The following KCNQ3 variants were observed in gnomAD, a reference collection of about 807,000 sequenced individuals.
KCNQ3 encodes potassium voltage-gated channel subfamily KQT member 3.
A neutral mutation model predicts 92.5 loss-of-function variants in KCNQ3; 30 were observed. The ratio of observed to expected loss-of-function variants is 0.32; its 90% CI spans 0.24 to 0.44. The LOEUF is 0.44. Ranked by LOEUF, KCNQ3 falls within the 20% of genes least tolerant of loss-of-function variation. KCNQ3 has a pLI of 1.00. For synonymous variants in KCNQ3, 450 were observed against 468.8 expected (o/e 0.96, Z 0.52); for missense variants, 913 against 1,140.3 (o/e 0.80, Z 2.87).
intron 1 of KCNQ3, among the ~76,000 whole-genome samples, chr8:132,210,956 A>C (rs1235795067): frequency 6.6e-6 from 1 of 152,212 alleles, no homozygotes; most frequent in Admixed American, 6.5e-5. Flanking sequence ...TGTTATTAGT[A>C]AAGTCCTGCA....
intron 8 of KCNQ3, among the ~76,000 whole-genome samples, chr8:132,169,708 A>G (rs60160691): frequency 0.12 from 18,471 of 152,188 alleles, 1,594 homozygotes; most frequent in African/African-American, 0.24. Context: ...CAGCTACTCC[A>G]TGCCACTCTG....
intron 1 of KCNQ3, among the ~76,000 whole-genome samples, chr8:132,298,886 C>T (rs1043255824): frequency 3.3e-4 from 50 of 151,974 alleles, no homozygotes; most frequent in Admixed American, 2.6e-3. Flanking sequence ...CCAGTCTGGG[C>T]GACAAGAGTG....
At chr8:132,380,413 G>A (rs746581306) in intron 1 of KCNQ3, among the ~76,000 whole-genome samples, 1 of 152,126 alleles carries the variant, frequency 6.6e-6, no homozygotes, top group Non-Finnish European at 1.5e-5. Context: ...TGATTTTCCC[G>A]ACCTTATTGG....
rs1274920497 is a variant in KCNQ3, at chr8:132,122,715, G to A, written c.*6547C>T. ...ATATCTCTTAGGAGCTTTCACTTCA[G>A]CCTGACTCAGGAGAACTGAAACATC... On this transcript the variant is annotated 3_prime_UTR_variant, in exon 15 of 15. Coordinates refer to ENST00000388996, the MANE Select transcript of KCNQ3 (RefSeq NM_004519.4). 1 of 152,134 alleles carries A rather than the reference G, an allele frequency of 6.6e-6. No individual in the cohort carries two copies. Among genetic ancestry groups the A allele is most frequent in the Non-Finnish European group, 1.5e-5 (1 of 68,030 alleles). The allele number at this position is 152,134 out of a possible 1,614,324, so 9.4% of individuals were successfully genotyped here. A position where few individuals can be genotyped will look rare whatever the true frequency, so the allele number is the denominator to read the frequency against.
At chr8:132,352,359 G>C (rs948512343) in intron 1 of KCNQ3, among the ~76,000 whole-genome samples, 1 of 152,152 alleles carries the variant, frequency 6.6e-6, no homozygotes, top group Non-Finnish European at 1.5e-5. Flanking sequence ...CGATCGTCTA[G>C]TGTGCAAGGA....
At chr8:132,342,673 C>T (rs1306009603) in intron 1 of KCNQ3, among the ~76,000 whole-genome samples, 3 of 152,196 alleles carry the variant, frequency 2.0e-5, no homozygotes, top group Admixed American at 1.3e-4. Context: ...TCACTACTTC[C>T]TATTGTCTTG....
At chr8:132,248,569 T>A (rs1306139121) in intron 1 of KCNQ3, among the ~76,000 whole-genome samples, 3 of 152,096 alleles carry the variant, frequency 2.0e-5, no homozygotes, top group African/African-American at 7.2e-5. Flanking sequence ...AAGTGAGAGC[T>A]CAAATTCTAA....
chr8:132,284,131 T>C (rs553301812), intron 1 of KCNQ3, among the ~76,000 whole-genome samples: 16 of 152,242 alleles, frequency 1.1e-4, no homozygotes, highest in South Asian at 4.1e-4. Context: ...ATAATATACA[T>C]ATGTAACTAA....
chr8:132,439,037 C>A (rs1821463182), intron 1 of KCNQ3, among the ~76,000 whole-genome samples: 1 of 150,754 alleles, frequency 6.6e-6, no homozygotes, highest in African/African-American at 2.4e-5. Flanking sequence ...AATCCTATAA[C>A]CCTGGATGAC....
chr8:132,199,707 C>T (rs1013008007), intron 1 of KCNQ3, among the ~76,000 whole-genome samples: 13 of 152,092 alleles, frequency 8.5e-5, no homozygotes, highest in Admixed American at 1.3e-4. Context: ...GTCAGGAGTT[C>T]GACACCAGCC....
chr8:132,470,111 A>G (rs1358114531), intron 1 of KCNQ3, among the ~76,000 whole-genome samples: 1 of 151,906 alleles, frequency 6.6e-6, no homozygotes, highest in Non-Finnish European at 1.5e-5. Context: ...AACTATGCTC[A>G]TCTCCCTCAA....
At chr8:132,161,220 G>A (rs941411302) in intron 9 of KCNQ3, among the ~76,000 whole-genome samples, 4 of 152,206 alleles carry the variant, frequency 2.6e-5, no homozygotes, top group African/African-American at 9.6e-5. Flanking sequence ...GCACCAGCAT[G>A]TTAAGTTACA....
At chr8:132,378,258 G>A (rs1027443130) in intron 1 of KCNQ3, among the ~76,000 whole-genome samples, 7 of 151,978 alleles carry the variant, frequency 4.6e-5, no homozygotes, top group Admixed American at 1.3e-4. Context: ...GCCAAGCAAG[G>A]TGGGTTTGCC....
At chr8:132,162,333 C>G (rs530595051) in intron 9 of KCNQ3, among the ~76,000 whole-genome samples, 1 of 152,124 alleles carries the variant, frequency 6.6e-6, no homozygotes, top group Non-Finnish European at 1.5e-5. Flanking sequence ...GATTTATAAA[C>G]CTGTTGGTCA....
chr8:132,217,951 C>T (rs1278847925), intron 1 of KCNQ3, among the ~76,000 whole-genome samples: 1 of 152,178 alleles, frequency 6.6e-6, no homozygotes, highest in Non-Finnish European at 1.5e-5. Context: ...ACAGTTTGTT[C>T]TCCTAAGGAG....
intron 1 of KCNQ3, among the ~76,000 whole-genome samples, chr8:132,279,008 G>T (rs1223955869): frequency 6.6e-6 from 1 of 152,074 alleles, no homozygotes; most frequent in Non-Finnish European, 1.5e-5. Flanking sequence ...TTGAGGTCAG[G>T]AGTTCAAGAC....
rs189526020 is a variant in KCNQ3, at chr8:132,249,296, A to G, written c.387-63115T>C. On this transcript the variant is annotated intron_variant, in intron 1 of 14. Coordinates refer to ENST00000388996, the MANE Select transcript of KCNQ3 (RefSeq NM_004519.4). Reference sequence around the variant, plus strand: ...CACATCCTGCCGATTGGTCCATTTTACAGAGAGCTGATTGGTCTGTTTTAC... The same window carrying G: ...CACATCCTGCCGATTGGTCCATTTTGCAGAGAGCTGATTGGTCTGTTTTAC... 4.9e-3 allele frequency among the ~76,000 whole-genome samples: 745 copies of G among 152,202 alleles called. 7 individuals are homozygous for G. The highest frequency in any genetic ancestry group is 0.017 in the African/African-American group (721 of 41,534).
intron 12 of KCNQ3, among the ~76,000 whole-genome samples, chr8:132,135,479 G>A (rs186280902): frequency 1.2e-4 from 19 of 152,074 alleles, no homozygotes; most frequent in Admixed American, 3.9e-4. Context: ...CTCCACTGAC[G>A]GCACTTTCTT....
chr8:132,214,440 A>G (rs1477137895), intron 1 of KCNQ3, among the ~76,000 whole-genome samples: 1 of 152,142 alleles, frequency 6.6e-6, no homozygotes, highest in Admixed American at 6.5e-5. Context: ...AATCTTAGGT[A>G]CAAGTCCAAT....
Sources: allele counts gnomAD v4.1 joint callset (sites outside exome capture counted in the v4.1 genomes callset), GRCh38; gene constraint gnomAD v4.1.1; transcripts MANE v1.5; gene names NCBI Gene and HGNC (gene_info 2026-07-23, HGNC 2026-07-21).